CCDC93: variants seen among roughly 807,000 people sequenced by gnomAD.
CCDC93 encodes CCC complex scaffolding subunit CCDC93, also known as coiled-coil domain-containing protein 93.
Under a neutral mutation model 108.2 loss-of-function variants are expected in CCDC93, and 61 were observed. The observed-to-expected ratio is 0.56, with a 90% CI of 0.46 to 0.70. The LOEUF (loss-of-function observed/expected upper bound fraction) is 0.70, where lower values mean the gene tolerates loss of function less well. CCDC93 is among the 30% of genes least tolerant of loss of function. CCDC93 has a pLI of 0.00. For missense variants in CCDC93, 685 were observed against 764.2 expected, an observed-to-expected ratio of 0.90 and a Z score of 1.22; for synonymous variants, 276 against 260.4, an observed-to-expected ratio of 1.06 and a Z score of -0.58.
intron 12 of CCDC93, among the ~76,000 whole-genome samples, chr2:117,952,888 T>G (rs1347795201): frequency 3.3e-5 from 5 of 152,182 alleles, no homozygotes; most frequent in Admixed American, 3.3e-4. Context: ...GATCCCAGCA[T>G]AAGACTGGTT....
intron 23 of CCDC93, among the ~76,000 whole-genome samples, chr2:117,926,620 A>ATAAT (rs1228925712): frequency 1.3e-5 from 2 of 152,230 alleles, no homozygotes; most frequent in Non-Finnish European, 2.9e-5. Context: ...AATTGAGGCA[A>ATAAT]TAATTAATAG....
At chr2:117,988,830 C>T (rs1390276657) in intron 6 of CCDC93, among the ~76,000 whole-genome samples, 2 of 152,194 alleles carry the variant, frequency 1.3e-5, no homozygotes, top group South Asian at 4.1e-4. Context: ...TCCAGTGACA[C>T]CCCTCACCCC....
At position 117,946,847 on chromosome 2, in the gene CCDC93, G is replaced by T. The variant is rs1313187778; in HGVS notation, c.1260C>A (p.Asn420Lys). The T allele has an allele frequency of 6.2e-7, 1 of 1,613,776 alleles. No individual in the cohort carries two copies. The highest frequency in any genetic ancestry group is 8.5e-7 in the Non-Finnish European group (1 of 1,179,670). The change falls in exon 16 of 24, where the codon AAC (asparagine) becomes AAA (lysine). Residue 420 changes from asparagine to lysine, a missense_variant. Physicochemically the swap from Asn to Lys is moderately conservative, Grantham distance 94 (BLOSUM62 0). Transcript: ENST00000376300. ...EMTRLQQEIE[N>K]LKAERAPRGD... ...CACGTGGTGCTCTCTCAGCTTTCAG[G>T]TTTTCAATTTCTTGCTGTAGTCGTG...
chr2:117,935,338 C>A (rs1678487198), intron 22 of CCDC93, among the ~76,000 whole-genome samples, 157 bp downstream of exon 22: 1 of 152,190 alleles, frequency 6.6e-6, no homozygotes, highest in South Asian at 2.1e-4. Context: ...CTGCCCATTA[C>A]AGAGTAAGAC....
At chr2:117,936,503 C>T (rs757716450) in intron 21 of CCDC93, 199 bp downstream of exon 21, 15 of 560,144 alleles carry the variant, frequency 2.7e-5, no homozygotes, top group Non-Finnish European at 3.9e-5. Context: ...CTTCACTCTA[C>T]TATCATTATA....
At chr2:117,946,916 G>A (rs112051653) in intron 15 of CCDC93, 34 bp from the exon 16 acceptor site, 16,684 of 1,473,288 alleles carry the variant, frequency 0.011, 126 homozygotes, top group Non-Finnish European at 0.014. Context: ...ACAAAATTCA[G>A]ACAAGGAGTA....
chr2:117,925,805 C>A lies in CCDC93; in HGVS notation c.1842+5232G>T, dbSNP rs1292384028. On this transcript the variant is annotated intron_variant, in intron 23 of 23. Transcript: ENST00000376300. ...TACAGAACTCTCCACCCCAAATCAA[C>A]AGAATATACATTCTTCTCAGCACCA... Among the ~76,000 whole-genome samples, 8 of 152,340 alleles carry A rather than the reference C, an allele frequency of 5.3e-5. No homozygotes were observed. In the East Asian group the frequency reaches 9.6e-4, roughly 18 times the overall value.
chr2:117,982,195 T>C (rs968899496), intron 7 of CCDC93, among the ~76,000 whole-genome samples: 5 of 150,596 alleles, frequency 3.3e-5, no homozygotes, highest in South Asian at 2.1e-4. Flanking sequence ...TACTGAGGAA[T>C]AGGCTAACTC....
At chr2:117,999,573 G>A (rs1342149134) in intron 4 of CCDC93, 1 of 152,212 alleles carries the variant, frequency 6.6e-6, no homozygotes, top group Non-Finnish European at 1.5e-5. Flanking sequence ...TAGAGGGGAA[G>A]AGAAGAACTG....
intron 3 of CCDC93, among the ~76,000 whole-genome samples, chr2:118,004,386 T>A (rs1293894901): frequency 6.6e-6 from 1 of 152,238 alleles, no homozygotes; most frequent in Non-Finnish European, 1.5e-5. Flanking sequence ...CTTATGGAAC[T>A]CTCAGCAAAG....
intron 12 of CCDC93, among the ~76,000 whole-genome samples, chr2:117,956,106 C>T (rs2104752275): frequency 6.6e-6 from 1 of 152,330 alleles, no homozygotes; most frequent in African/African-American, 2.4e-5. Context: ...TCTCTCCCTT[C>T]CCTACCTCAT....
At chr2:118,008,742 A>G (rs1379451803) in intron 1 of CCDC93, 84 bp from the exon 2 acceptor site, 2 of 799,112 alleles carry the variant, frequency 2.5e-6, no homozygotes, top group Non-Finnish European at 4.2e-6. Context: ...CCACAAGCTC[A>G]TTGCCAAGGA....
At chr2:117,958,220 T>C (rs962129894) in intron 12 of CCDC93, 145 bp downstream of exon 12, 8 of 611,364 alleles carry the variant, frequency 1.3e-5, no homozygotes, top group African/African-American at 3.7e-5. Context: ...ATGGATGTGT[T>C]ATGTTGTAAT....
At chr2:117,933,946 C>T (rs1678434532) in intron 22 of CCDC93, 1 of 152,140 alleles carries the variant, frequency 6.6e-6, no homozygotes, top group Non-Finnish European at 1.5e-5. Context: ...CCACTCTGCC[C>T]TGGGTGCCAT....
intron 7 of CCDC93, among the ~76,000 whole-genome samples, chr2:117,984,804 C>T (rs1298990886): frequency 6.6e-6 from 1 of 152,198 alleles, no homozygotes; most frequent in African/African-American, 2.4e-5. Context: ...TACAGCTGGG[C>T]ATGGCTAGAC....
At chr2:117,922,713 AGAAGTAGAGGGCCAGTGAGG>A (rs1262380990) in intron 23 of CCDC93, among the ~76,000 whole-genome samples, 13 of 152,232 alleles carry the variant, frequency 8.5e-5, no homozygotes. Flanking sequence ...TTCAGAACGC[AGAAGTAGAGGGCCAGTGAGG>A]GGATGGTGAG....
chr2:117,920,486 C>T (rs1677825705), intron 23 of CCDC93, 90 bp from the exon 24 acceptor site: 1 of 807,666 alleles, frequency 1.2e-6, no homozygotes, highest in Non-Finnish European at 2.0e-6. Flanking sequence ...TCCCATATCC[C>T]TATGGGAGAC....
At chr2:117,980,352 T>G (rs1475015959) in intron 7 of CCDC93, among the ~76,000 whole-genome samples, 1 of 152,240 alleles carries the variant, frequency 6.6e-6, no homozygotes, top group Non-Finnish European at 1.5e-5. Context: ...TCTTGAGTAT[T>G]CATCTTTCCT....
chr2:117,968,844 C>A (rs1679672575), intron 11 of CCDC93, among the ~76,000 whole-genome samples: 1 of 152,152 alleles, frequency 6.6e-6, no homozygotes, highest in African/African-American at 2.4e-5. Flanking sequence ...TTCTCAGATA[C>A]TACCAACAGC....
Sources: gnomAD v4.1 joint callset for allele counts (sites outside exome capture counted in the v4.1 genomes callset) on GRCh38, gnomAD v4.1.1 for gene constraint, MANE v1.5 for transcripts, NCBI Gene and HGNC (gene_info 2026-07-23, HGNC 2026-07-21) for gene names.